CAMK1D: variants seen among roughly 807,000 people sequenced by gnomAD.
The protein encoded by CAMK1D is calcium/calmodulin-dependent protein kinase type 1D.
Under a neutral mutation model 47.7 loss-of-function variants are expected in CAMK1D, and 9 were observed. That is an observed-to-expected ratio of 0.19 (90% CI 0.11 to 0.33). CAMK1D has a LOEUF of 0.33. Among genes scored for constraint, CAMK1D ranks in the 10% least tolerant of loss-of-function variants. CAMK1D has a pLI of 1.00. For missense variants in CAMK1D, 291 were observed against 488.7 expected (o/e 0.60, Z 3.81); for synonymous variants, 184 against 184.9 (o/e 0.99, Z 0.04).
chr10:12,515,945 C>T (rs141289383), intron 1 of CAMK1D, among the ~76,000 whole-genome samples: 3 of 151,676 alleles, frequency 2.0e-5, no homozygotes, highest in South Asian at 2.1e-4. Context: ...ATACTCTTAA[C>T]AGTATACAGC....
chr10:12,760,798 G>A (rs532223647), intron 3 of CAMK1D, 150 bp from the exon 4 acceptor site: 1 of 783,416 alleles, frequency 1.3e-6, no homozygotes, highest in African/African-American at 1.7e-5. Context: ...ACATTTCCTG[G>A]CTATAGCCTC....
chr10:12,357,376 C>T (rs560320955), intron 1 of CAMK1D, among the ~76,000 whole-genome samples: 5 of 151,596 alleles, frequency 3.3e-5, no homozygotes, highest in African/African-American at 7.3e-5. Context: ...AGTGCAGTGG[C>T]GTGATCTTGG....
At chr10:12,820,085 G>T (rs1291136290) in intron 8 of CAMK1D, among the ~76,000 whole-genome samples, 5 of 152,224 alleles carry the variant, frequency 3.3e-5, no homozygotes, top group Admixed American at 6.5e-5. Flanking sequence ...CTGTCGCCAG[G>T]CTAGAGTGCG....
chr10:12,541,922 C>T (rs915942352), intron 1 of CAMK1D, among the ~76,000 whole-genome samples: 3 of 134,834 alleles, frequency 2.2e-5, no homozygotes, highest in Non-Finnish European at 4.8e-5. Flanking sequence ...GTCACCCTGG[C>T]TGGAGTGCAG....
intron 3 of CAMK1D, among the ~76,000 whole-genome samples, chr10:12,744,011 A>C (rs1315580844): frequency 6.8e-6 from 1 of 148,026 alleles, no homozygotes; most frequent in Non-Finnish European, 1.5e-5. Flanking sequence ...TAACAGAGTG[A>C]GACTCCGTTT....
At chr10:12,550,551 T>A (rs1047835597) in intron 1 of CAMK1D, among the ~76,000 whole-genome samples, 1 of 152,228 alleles carries the variant, frequency 6.6e-6, no homozygotes, top group African/African-American at 2.4e-5. Flanking sequence ...ACAAAAGCCG[T>A]TGGCCATGGC....
chr10:12,665,871 A>C (rs1314859313), intron 2 of CAMK1D, among the ~76,000 whole-genome samples: 1 of 152,256 alleles, frequency 6.6e-6, no homozygotes, highest in African/African-American at 2.4e-5. Flanking sequence ...CTGCTGACGC[A>C]GGGCCTGCAG....
chr10:12,587,473 C>T (rs1837853254), intron 2 of CAMK1D, among the ~76,000 whole-genome samples: 1 of 151,214 alleles, frequency 6.6e-6, no homozygotes, highest in Admixed American at 6.6e-5. Flanking sequence ...GGAGGCTTGG[C>T]GGCATGTTAA....
chr10:12,421,652 A>G (rs1353496705), intron 1 of CAMK1D, among the ~76,000 whole-genome samples: 1 of 147,718 alleles, frequency 6.8e-6, no homozygotes, highest in Non-Finnish European at 1.5e-5. Context: ...CAGCCTCCCA[A>G]GTAGCTGGGT....
In CAMK1D at chr10:12,568,077, C is replaced by T. The variant is rs79321906; in HGVS notation, c.224+14721C>T. ...GGACCCACTCTCAGTTAGGCCTGCC[C>T]GCCCTCCCACCTTGCCTGCCTGTCT... On this transcript the variant is annotated intron_variant, in intron 2 of 10. Transcript: ENST00000619168. Among the ~76,000 whole-genome samples, 495 of 136,476 alleles carry T rather than the reference C, an allele frequency of 3.6e-3. 1 individual carries two copies. Among genetic ancestry groups the T allele is most frequent in the African/African-American group, 0.012 (423 of 35,540 alleles). 89.5% of individuals were successfully genotyped at this position (136,476 alleles called of 152,430 possible).
chr10:12,656,509 G>GA (rs1840119634), intron 2 of CAMK1D, among the ~76,000 whole-genome samples: 2 of 151,834 alleles, frequency 1.3e-5, no homozygotes, highest in Admixed American at 1.3e-4. Context: ...AAAGAGAAAA[G>GA]AAAAAAACCG....
At chr10:12,380,591 C>T (rs930114537) in intron 1 of CAMK1D, among the ~76,000 whole-genome samples, 11 of 152,220 alleles carry the variant, frequency 7.2e-5, no homozygotes, top group Non-Finnish European at 1.2e-4. Flanking sequence ...GGCGCAGTGG[C>T]TCATGCCTGT....
At chr10:12,492,531 C>T (rs188416364) in intron 1 of CAMK1D, among the ~76,000 whole-genome samples, 284 of 152,246 alleles carry the variant, frequency 1.9e-3, no homozygotes, top group African/African-American at 6.5e-3. Flanking sequence ...CAGTGGCACA[C>T]ACCTGTAATC....
chr10:12,746,257 G>T (rs11257966), intron 3 of CAMK1D, among the ~76,000 whole-genome samples: 1,940 of 151,058 alleles, frequency 0.013, 50 homozygotes, highest in African/African-American at 0.045. Flanking sequence ...CCAGCTACTC[G>T]GGAGGCTGAG....
At chr10:12,487,889 C>G (rs1834263718) in intron 1 of CAMK1D, among the ~76,000 whole-genome samples, 1 of 152,170 alleles carries the variant, frequency 6.6e-6, no homozygotes, top group Non-Finnish European at 1.5e-5. Flanking sequence ...TTAATACATG[C>G]TTGTTAAATA....
intron 3 of CAMK1D, among the ~76,000 whole-genome samples, chr10:12,695,022 CGATAGATAGATA>C (rs563091966): frequency 3.9e-4 from 56 of 144,042 alleles, no homozygotes; most frequent in African/African-American, 1.3e-3. Flanking sequence ...ATAAATCTCT[CGATAGATAGATA>C]GATAGATAGA....
At chr10:12,544,798 A>G (rs138960882) in intron 1 of CAMK1D, among the ~76,000 whole-genome samples, 15,912 of 148,416 alleles carry the variant, frequency 0.11, 947 homozygotes, top group South Asian at 0.13. Context: ...TGTTGAGTGG[A>G]TAGTACTAGT....
chr10:12,717,962 T>C (rs911444016), intron 3 of CAMK1D, among the ~76,000 whole-genome samples: 4 of 151,634 alleles, frequency 2.6e-5, no homozygotes, highest in Non-Finnish European at 4.4e-5. Context: ...ATAGATACTA[T>C]ACTGAAATCA....
Position 12,429,381 on chromosome 10 carries a change from C to T in CAMK1D, c.92+79471C>T, listed in dbSNP as rs1840364084. ...CTGAGACAGAGTCTCGCTTTGTCAC[C>T]CAGGCTGGAGTGCAGTGGTGTGATC... On this transcript the variant is annotated intron_variant, in intron 1 of 10. Coordinates refer to ENST00000619168, the MANE Select transcript of CAMK1D (RefSeq NM_153498.4). Among the ~76,000 whole-genome samples, 3 of 152,188 alleles carry T rather than the reference C, an allele frequency of 2.0e-5. No individual in the cohort carries two copies. In the South Asian group the frequency reaches 6.2e-4, roughly 32 times the overall value.
Sources: gnomAD v4.1 joint callset for allele counts (sites outside exome capture counted in the v4.1 genomes callset) on GRCh38, gnomAD v4.1.1 for gene constraint, MANE v1.5 for transcripts, NCBI Gene and HGNC (gene_info 2026-07-23, HGNC 2026-07-21) for gene names.